Variants in TNPO3 observed in about 807,000 individuals in gnomAD.
TNPO3 encodes transportin-3.
A neutral mutation model predicts 122.8 loss-of-function variants in TNPO3; 65 were observed. That is an observed-to-expected ratio of 0.53 (90% CI 0.43 to 0.65). The LOEUF is 0.65. TNPO3 is among the 30% of genes least tolerant of loss of function. TNPO3 has a pLI of 0.00. For synonymous variants in TNPO3, 372 were observed against 411.2 expected (o/e 0.90, Z 1.15); for missense variants, 850 against 1,136.7 (o/e 0.75, Z 3.63).
At chr7:129,055,612 C>T (rs1028947281), upstream of TNPO3, 1 of 163,844 alleles carries the variant, frequency 6.1e-6, no homozygotes, top group African/African-American at 2.4e-5. Flanking sequence ...CTCCCCTTTA[C>T]TTAGTTCTTA....
chr7:128,972,975 A>C (rs548123898), intron 18 of TNPO3, among the ~76,000 whole-genome samples: 1 of 152,204 alleles, frequency 6.6e-6, no homozygotes, highest in South Asian at 2.1e-4. Flanking sequence ...TTTTCACTCA[A>C]ATTTGCAGTG....
rs1480719788 is a variant in TNPO3, at chr7:128,980,018, T to C, written c.1873A>G (p.Ile625Val). 3 of 1,613,994 alleles carry C rather than the reference T, an allele frequency of 1.9e-6. No individual in the cohort carries two copies. In the African/African-American group the frequency reaches 4.0e-5, roughly 22 times the overall value. The change falls in exon 15 of 23, where the codon ATT (isoleucine) becomes GTT (valine). Residue 625 changes from isoleucine to valine, a missense_variant. Coordinates refer to ENST00000265388, the MANE Select transcript of TNPO3 (RefSeq NM_012470.4). ...LAVIFRHTNPIVENGQTHPCQ... is the reference protein window; with the variant it reads ...LAVIFRHTNPVVENGQTHPCQ... ...GGATGAGTCTGTCCATTTTCCACAA[T>C]GGGATTGGTATGCCTGGGAAAAGAC...
At chr7:129,004,041 A>T (rs1802303072) in intron 5 of TNPO3, among the ~76,000 whole-genome samples, 1 of 152,210 alleles carries the variant, frequency 6.6e-6, no homozygotes, top group Non-Finnish European at 1.5e-5. Flanking sequence ...AAAGATACCA[A>T]CATAAATGGA....
chr7:129,046,043 C>CA (rs1482019918), intron 1 of TNPO3, among the ~76,000 whole-genome samples: 2 of 151,708 alleles, frequency 1.3e-5, no homozygotes, highest in Non-Finnish European at 2.9e-5. Flanking sequence ...ACTAACAATA[C>CA]AAAAAATTAG....
At chr7:128,993,998 C>G in intron 8 of TNPO3, 84 bp from the exon 9 acceptor site, 1 of 1,258,318 alleles carries the variant, frequency 7.9e-7, no homozygotes, top group Non-Finnish European at 1.1e-6. Context: ...AAGAAAAAAA[C>G]CATTAAGCAG....
intron 16 of TNPO3, among the ~76,000 whole-genome samples, chr7:128,978,765 A>C (rs1264079330): frequency 6.6e-6 from 1 of 151,974 alleles, no homozygotes; most frequent in East Asian, 1.9e-4. Context: ...CCGAGTAGCT[A>C]GGATTATAGG....
chr7:128,998,004 ATTTT>A (rs71162546), intron 7 of TNPO3, among the ~76,000 whole-genome samples: 1 of 129,428 alleles, frequency 7.7e-6, no homozygotes. Context: ...AGCTCAGCTA[ATTTT>A]TTTTTTTTTT....
rs142101808 is a variant in TNPO3 at position 128,997,488 on chromosome 7, C to T, written c.1059G>A (p.Leu353=). 18 of 1,614,006 alleles carry T rather than the reference C, an allele frequency of 1.1e-5. No homozygotes were observed. The African/African-American group carries it at 2.0e-4, about 18-fold the overall frequency. The change falls in exon 8 of 23, where the codon TTG becomes TTA. Residue 353 remains leucine (L), a synonymous_variant. Transcript: ENST00000265388. ...GAATAACTTCATCGTTAGTTTTGTA[C>T]AAATGTTCCCCCAGTCGGTACCAAA... ...FNFWYRLGEH[L]YKTNDEVIHG...
intron 21 of TNPO3, among the ~76,000 whole-genome samples, chr7:128,965,183 T>C (rs1417151595): frequency 6.6e-6 from 1 of 152,208 alleles, no homozygotes; most frequent in African/African-American, 2.4e-5. Flanking sequence ...TTGCAAATCA[T>C]GTACCTGATA....
Position 129,018,106 on chromosome 7 carries a change from C to T in TNPO3, c.172G>A (p.Glu58Lys). Residue 58 changes from glutamate to lysine, a missense_variant, in exon 2 of 23, where the codon GAG (glutamate) becomes AAG (lysine). Glu to Lys is a moderately conservative substitution (Grantham distance 56). Coordinates refer to ENST00000265388, the MANE Select transcript of TNPO3 (RefSeq NM_012470.4). ...GTCTGTGCAGCAAAATAGCATGACT[C>T]CACATCCTGCCGGATCTGTAACAAC... ...DQLLQIRQDV[E>K]SCYFAAQTMK... 1 of 1,614,162 alleles carries T rather than the reference C, an allele frequency of 6.2e-7. No individual in the cohort carries two copies. The highest frequency in any genetic ancestry group is 1.1e-5 in the South Asian group (1 of 91,084).
chr7:129,002,097 G>A (rs747483362), intron 5 of TNPO3, among the ~76,000 whole-genome samples: 3 of 152,214 alleles, frequency 2.0e-5, no homozygotes, highest in Non-Finnish European at 4.4e-5. Context: ...AATGATGCAT[G>A]CTAGTAAAGG....
At chr7:129,053,985 TTATAAA>T (rs1472079276) in intron 1 of TNPO3, among the ~76,000 whole-genome samples, 1 of 152,232 alleles carries the variant, frequency 6.6e-6, no homozygotes, top group Admixed American at 6.5e-5. Context: ...GATACCCATC[TTATAAA>T]TAAAAATCTA....
At chr7:129,001,799 G>GT (rs1391210893) in intron 5 of TNPO3, among the ~76,000 whole-genome samples, 1 of 152,048 alleles carries the variant, frequency 6.6e-6, no homozygotes, top group Non-Finnish European at 1.5e-5. Context: ...AGTCATGGTC[G>GT]TATCATTTCT....
chr7:129,013,434 C>CAAAAAAAAAAAAAAA (rs3993440), intron 4 of TNPO3, among the ~76,000 whole-genome samples: 1 of 127,746 alleles, frequency 7.8e-6, no homozygotes, highest in South Asian at 2.4e-4. Flanking sequence ...CAAATAATAG[C>CAAAAAAAAAAAAAAA]AAAAAAAAAA....
intron 4 of TNPO3, among the ~76,000 whole-genome samples, chr7:129,013,923 T>C (rs1444566287): frequency 6.6e-6 from 1 of 151,870 alleles, no homozygotes; most frequent in Non-Finnish European, 1.5e-5. Flanking sequence ...AAAAAATGGA[T>C]CTCATAGAGG....
chr7:128,970,034 T>C (rs1024980682), intron 20 of TNPO3, 114 bp downstream of exon 20: 56 of 1,250,418 alleles, frequency 4.5e-5, no homozygotes, highest in African/African-American at 3.4e-4. Context: ...ATGCCTAAAT[T>C]TGGTTCCATG....
At position 129,003,705 on chromosome 7, in the gene TNPO3, T is replaced by C. The variant is rs563472545; in HGVS notation, c.696+1311A>G. On this transcript the variant is annotated intron_variant, in intron 5 of 22. Coordinates refer to ENST00000265388, the MANE Select transcript of TNPO3 (RefSeq NM_012470.4). ...CCCCCTAAAAAGAAAAAAAGTAGCA[T>C]GATTTTAAACCACTGAATGAATGTA... Among the ~76,000 whole-genome samples, 107 of 152,216 alleles carry C rather than the reference T, an allele frequency of 7.0e-4. 2 individuals are homozygous for C. Among genetic ancestry groups the C allele is most frequent in the Non-Finnish European group, 1.0e-3 (69 of 68,010 alleles).
intron 16 of TNPO3, 120 bp downstream of exon 16, chr7:128,978,863 C>T (rs1265924705): frequency 8.6e-7 from 1 of 1,167,266 alleles, no homozygotes; most frequent in African/African-American, 1.5e-5. Context: ...AACTCCTGAC[C>T]TCAGGTGGTC....
At chr7:128,964,414 C>CAAGCT (rs1443620895) in intron 21 of TNPO3, among the ~76,000 whole-genome samples, 1 of 147,056 alleles carries the variant, frequency 6.8e-6, no homozygotes, top group East Asian at 2.0e-4. Context: ...CGGCTCACTG[C>CAAGCT]AAGCTCCACC....
Sources: allele counts gnomAD v4.1 joint callset (sites outside exome capture counted in the v4.1 genomes callset), GRCh38; gene constraint gnomAD v4.1.1; transcripts MANE v1.5; gene names NCBI Gene and HGNC (gene_info 2026-07-23, HGNC 2026-07-21).